The following DIO1 variants were observed in gnomAD, a reference collection of about 807,000 sequenced individuals.
DIO1 encodes type I iodothyronine deiodinase.
A neutral mutation model predicts 25.9 loss-of-function variants in DIO1; 17 were observed. The ratio of observed to expected loss-of-function variants is 0.66; its 90% CI spans 0.45 to 0.98. DIO1 has a LOEUF of 0.98. Ranked by LOEUF, DIO1 falls within the 50% of genes least tolerant of loss-of-function variation. The probability of loss-of-function intolerance (pLI) is 0.00; values close to 1 mark genes in which losing one functional copy is unlikely to be tolerated. For synonymous variants in DIO1, 115 were observed against 114.0 expected (o/e 1.01, Z -0.05); for missense variants, 270 against 310.4 (o/e 0.87, Z 0.98).
At chr1:53,906,050 G>A (rs753478762) in intron 2 of DIO1, 45 bp from the exon 3 acceptor site, 11 of 1,580,582 alleles carry the variant, frequency 7.0e-6, no homozygotes, top group Middle Eastern at 1.7e-4. Flanking sequence ...TGCAGGAAGT[G>A]TGTGCTGTGT....
intron 3 of DIO1, among the ~76,000 whole-genome samples, chr1:53,906,750 G>A (rs554919546): frequency 2.5e-4 from 38 of 151,588 alleles, no homozygotes; most frequent in Non-Finnish European, 2.8e-4. Flanking sequence ...TCCACCTCCC[G>A]GGTTCAAGCA....
chr1:53,898,896 C>T (rs1651218149), intron 1 of DIO1, among the ~76,000 whole-genome samples: 1 of 152,138 alleles, frequency 6.6e-6, no homozygotes, highest in South Asian at 2.1e-4. Context: ...TCTAAAGCAA[C>T]CGCTTCGTTT....
At chr1:53,905,003 G>C in intron 2 of DIO1, 194 bp downstream of exon 2, 2 of 542,474 alleles carry the variant, frequency 3.7e-6, no homozygotes, top group Non-Finnish European at 3.2e-6. Flanking sequence ...TTTCAACCAG[G>C]GTACAGAGAG....
At chr1:53,898,942 C>G (rs1314621269) in intron 1 of DIO1, among the ~76,000 whole-genome samples, 2 of 152,136 alleles carry the variant, frequency 1.3e-5, no homozygotes, top group African/African-American at 4.8e-5. Flanking sequence ...GAATGACTCG[C>G]TTAGAGTCAC....
intron 2 of DIO1, 100 bp downstream of exon 2, chr1:53,904,909 G>A (rs1040809340): frequency 1.5e-6 from 2 of 1,326,856 alleles, no homozygotes; most frequent in Non-Finnish European, 2.1e-6. Flanking sequence ...GAAGGAGGAA[G>A]AGGAGGGGAG....
intron 1 of DIO1, among the ~76,000 whole-genome samples, chr1:53,898,215 G>C (rs891530300): frequency 1.1e-4 from 17 of 152,202 alleles, no homozygotes; most frequent in African/African-American, 4.1e-4. Flanking sequence ...TGGAAAGCAG[G>C]GCAGGGCACA....
chr1:53,904,912 G>A (rs1651571741), intron 2 of DIO1, 103 bp downstream of exon 2: 2 of 1,323,294 alleles, frequency 1.5e-6, no homozygotes, highest in South Asian at 1.4e-5. Flanking sequence ...GGAGGAAGAG[G>A]AGGGGAGAGG....
chr1:53,908,077 C>T (rs532181004), intron 3 of DIO1, among the ~76,000 whole-genome samples: 191 of 152,000 alleles, frequency 1.3e-3, no homozygotes, highest in Admixed American at 1.8e-3. Flanking sequence ...CAAAAATTAG[C>T]CAGGCATGGT....
At chr1:53,908,480 T>G (rs1651776756) in intron 3 of DIO1, among the ~76,000 whole-genome samples, 2 of 152,192 alleles carry the variant, frequency 1.3e-5, no homozygotes, top group Admixed American at 6.5e-5. Flanking sequence ...AATGAAAGCA[T>G]GTGAGGCATC....
At chr1:53,901,638 A>T (rs1439734092) in intron 1 of DIO1, among the ~76,000 whole-genome samples, 1 of 152,184 alleles carries the variant, frequency 6.6e-6, no homozygotes, top group Non-Finnish European at 1.5e-5. Flanking sequence ...TGTCTTCCAA[A>T]GAGCAAGGCT....
intron 3 of DIO1, among the ~76,000 whole-genome samples, chr1:53,906,600 G>A (rs967478682): frequency 6.6e-6 from 1 of 152,078 alleles, no homozygotes; most frequent in Admixed American, 6.5e-5. Context: ...GTCCTGGTCT[G>A]GTTTCAAACT....
intron 3 of DIO1, among the ~76,000 whole-genome samples, chr1:53,909,073 G>A (rs1342214194): frequency 6.9e-4 from 94 of 135,708 alleles, no homozygotes; most frequent in Middle Eastern, 9.8e-3. Context: ...CAGCCTGGGC[G>A]ACAGAGTGAG....
intron 1 of DIO1, among the ~76,000 whole-genome samples, chr1:53,899,164 G>C (rs1018994517): frequency 6.6e-6 from 1 of 152,204 alleles, no homozygotes; most frequent in Non-Finnish European, 1.5e-5. Flanking sequence ...CAGAAGGCAA[G>C]TTCTGGATGA....
chr1:53,908,620 C>T (rs1651782675), intron 3 of DIO1, among the ~76,000 whole-genome samples: 1 of 152,086 alleles, frequency 6.6e-6, no homozygotes, highest in South Asian at 2.1e-4. Context: ...GAGTGAAAAT[C>T]ACTGCGGTAT....
At chr1:53,901,870 C>T (rs1194501273) in intron 1 of DIO1, among the ~76,000 whole-genome samples, 2 of 149,178 alleles carry the variant, frequency 1.3e-5, no homozygotes, top group Non-Finnish European at 3.0e-5. Context: ...GCATTCCAGT[C>T]TGGGCAACAT....
At chr1:53,903,958 T>G (rs1289755796) in intron 1 of DIO1, among the ~76,000 whole-genome samples, 1 of 150,808 alleles carries the variant, frequency 6.6e-6, no homozygotes, top group Non-Finnish European at 1.5e-5. Context: ...ATTATGCAGC[T>G]GGTCCTGCTC....
rs553259867 is a variant in DIO1 at position 53,894,894 on chromosome 1, C to T, written c.337+347C>T. 5.8e-4 allele frequency among the ~76,000 whole-genome samples: 89 copies of T among 152,298 alleles called. No individual in the cohort carries two copies. Among genetic ancestry groups the T allele is most frequent in the African/African-American group, 2.0e-3 (83 of 41,578 alleles). On this transcript the variant is annotated intron_variant, in intron 1 of 3. Transcript: ENST00000361921. The surrounding 1 kb of genome is among the most constrained non-coding windows in gnomAD (Gnocchi z 4.9). Reference sequence around the variant, plus strand: ...GACTGTTGCTCAATGACGCTTCTTTCGAGAAGCCAAGCCCAACTCTCCCAT... The same window carrying T: ...GACTGTTGCTCAATGACGCTTCTTTTGAGAAGCCAAGCCCAACTCTCCCAT...
chr1:53,899,946 C>T (rs1651269882), intron 1 of DIO1, among the ~76,000 whole-genome samples: 1 of 152,140 alleles, frequency 6.6e-6, no homozygotes, highest in Admixed American at 6.5e-5. Context: ...CAGTGACCAG[C>T]CACTTGGCCA....
At chr1:53,905,834 C>T (rs181502983) in intron 2 of DIO1, among the ~76,000 whole-genome samples, 1 of 152,346 alleles carries the variant, frequency 6.6e-6, no homozygotes, top group East Asian at 1.9e-4. Context: ...GATTCATGCA[C>T]ATTCAAGATC....
Sources: gnomAD v4.1 joint callset for allele counts (sites outside exome capture counted in the v4.1 genomes callset) on GRCh38, gnomAD v4.1.1 for gene constraint, Gnocchi (gnomAD v3.1) non-coding constraint, MANE v1.5 for transcripts, NCBI Gene and HGNC (gene_info 2026-07-23, HGNC 2026-07-21) for gene names.